Variants in MED13 observed in about 807,000 individuals in gnomAD.
MED13 encodes mediator of RNA polymerase II transcription subunit 13.
A neutral mutation model predicts 225.2 loss-of-function variants in MED13; 23 were observed. The ratio of observed to expected loss-of-function variants is 0.10; its 90% CI spans 0.07 to 0.14. The LOEUF (loss-of-function observed/expected upper bound fraction) is 0.14. Ranked by LOEUF, MED13 falls within the 10% of genes least tolerant of loss-of-function variation. The pLI is 1.00. For synonymous variants in MED13, 942 were observed against 889.2 expected, an observed-to-expected ratio of 1.06 and a Z score of -1.06; for missense variants, 2,197 against 2,594.5, an observed-to-expected ratio of 0.85 and a Z score of 3.33.
intron 8 of MED13, among the ~76,000 whole-genome samples, chr17:62,016,636 TAAAG>T (rs1458527042): frequency 6.6e-6 from 1 of 152,178 alleles, no homozygotes; most frequent in Non-Finnish European, 1.5e-5. Context: ...TGTTATAAAA[TAAAG>T]AAATGCCAAA....
At chr17:62,017,724 T>C (rs1320830400) in intron 8 of MED13, among the ~76,000 whole-genome samples, 2 of 152,236 alleles carry the variant, frequency 1.3e-5, no homozygotes, top group Non-Finnish European at 2.9e-5. Flanking sequence ...TTGTTGTTTT[T>C]TATGATAGTA....
intron 15 of MED13, among the ~76,000 whole-genome samples, 161 bp from the exon 16 acceptor site, chr17:61,983,275 G>C (rs745905647): frequency 6.6e-6 from 1 of 152,052 alleles, no homozygotes; most frequent in Non-Finnish European, 1.5e-5. Flanking sequence ...TCTTATTTCT[G>C]GTTAACATAT....
Position 61,983,050 on chromosome 17 carries a change from C to T in MED13, c.2953G>A (p.Gly985Arg), listed in dbSNP as rs1463641187. Residue 985 changes from glycine (G) to arginine (R), a missense_variant, in exon 16 of 30, where the codon GGG becomes AGG. By Grantham distance (125) the Gly-to-Arg change is moderately radical. Coordinates refer to ENST00000397786, the MANE Select transcript of MED13 (RefSeq NM_005121.3). ...GGAGGTGCACTGCTAGGAGGCATCCCAAAAGAAGTATGAGTTTGAGGTGTA... is the reference window on the plus strand; with the variant it reads ...GGAGGTGCACTGCTAGGAGGCATCCTAAAAGAAGTATGAGTTTGAGGTGTA... ...AYTPQTHTSFGMPPSSAPPSN... is the reference protein window; with the variant it reads ...AYTPQTHTSFRMPPSSAPPSN... 1 of 1,613,552 alleles carries T rather than the reference C, an allele frequency of 6.2e-7. No homozygotes were observed. Among genetic ancestry groups the T allele is most frequent in the African/African-American group, 1.3e-5 (1 of 74,862 alleles).
chr17:61,961,109 A>G lies in MED13; in HGVS notation c.5257-19T>C. 1 of 1,543,162 alleles carries G rather than the reference A, an allele frequency of 6.5e-7. No homozygotes were observed. The highest frequency in any genetic ancestry group is 8.9e-7 in the Non-Finnish European group (1 of 1,120,508). ...CTGGTCTCTATAAAATAAAAAATTA[A>G]GGTATTATCATACTATACAATCTTA... On this transcript the variant is annotated intron_variant, in intron 22 of 29. Coordinates refer to ENST00000397786, the MANE Select transcript of MED13 (RefSeq NM_005121.3).
intron 28 of MED13, among the ~76,000 whole-genome samples, chr17:61,948,804 C>CGGCCG (rs1555629563): frequency 6.6e-6 from 1 of 150,988 alleles, no homozygotes; most frequent in East Asian, 2.0e-4. Context: ...AAGTGAGTCA[C>CGGCCG]GGCCGGGCGC....
intron 9 of MED13, chr17:62,003,599 C>CAAAAAAAAAAAAAAAAAAAAAAAAAA (rs34451831): frequency 1.4e-4 from 7 of 51,730 alleles, no homozygotes; most frequent in African/African-American, 3.2e-4. Flanking sequence ...CAGCAAAACT[C>CAAAAAAAAAAAAAAAAAAAAAAAAAA]AAAAAAAAAA....
In MED13 at chr17:62,032,129, T is replaced by G. The variant is rs189977144; in HGVS notation, c.815-491A>C. On this transcript the variant is annotated intron_variant, in intron 5 of 29. Coordinates refer to ENST00000397786, the MANE Select transcript of MED13 (RefSeq NM_005121.3). ...CTGCTCTAGTAGTAATGGGTTTATT[T>G]AAAGTGAGCACTGGTAATCTTTTTC... 5.2e-4 allele frequency among the ~76,000 whole-genome samples: 79 copies of G among 151,898 alleles called. 1 individual carries two copies. Among genetic ancestry groups the G allele is most frequent in the Admixed American group, 2.2e-3 (33 of 15,252 alleles).
chr17:62,004,729 T>C (rs564050852), intron 9 of MED13: 1 of 152,262 alleles, frequency 6.6e-6, no homozygotes, highest in South Asian at 2.1e-4. Flanking sequence ...AGTAAGACAA[T>C]ATTTTACTTG....
intron 8 of MED13, among the ~76,000 whole-genome samples, chr17:62,027,551 C>T (rs1603404719): frequency 6.6e-6 from 1 of 152,228 alleles, no homozygotes; most frequent in East Asian, 1.9e-4. Context: ...ATGTCAAAAG[C>T]AATCACAACA....
chr17:62,043,661 A>G (rs1287750442), intron 3 of MED13, among the ~76,000 whole-genome samples: 5 of 152,200 alleles, frequency 3.3e-5, no homozygotes, highest in South Asian at 2.1e-4. Flanking sequence ...ATACACACAT[A>G]TAACTATTGG....
chr17:62,022,489 TA>T (rs551257650), intron 8 of MED13, among the ~76,000 whole-genome samples: 43 of 152,108 alleles, frequency 2.8e-4, no homozygotes, highest in African/African-American at 1.0e-3. Context: ...ATTTTTCTTT[TA>T]AAAAAGAGAG....
chr17:61,948,625 C>A (rs2143277362), intron 28 of MED13, among the ~76,000 whole-genome samples: 1 of 151,746 alleles, frequency 6.6e-6, no homozygotes, highest in African/African-American at 2.4e-5. Context: ...GTGGAGACAC[C>A]AAAGACTACT....
In MED13 at chr17:62,051,515, C is replaced by A. The variant is rs577916349; in HGVS notation, c.470+1022G>T. Among the ~76,000 whole-genome samples the A allele has an allele frequency of 5.9e-5, 9 of 152,182 alleles. 1 individual carries two copies. In the South Asian group the frequency reaches 1.9e-3, roughly 32 times the overall value. On this transcript the variant is annotated intron_variant, in intron 3 of 29. Transcript: ENST00000397786. Reference sequence around the variant, plus strand: ...CAGCTGAATGCATTCTGAACTTACACAAGTATTTTGTTAACAATAAAGGTT... The same window carrying A: ...CAGCTGAATGCATTCTGAACTTACAAAAGTATTTTGTTAACAATAAAGGTT...
At chr17:62,064,692 T>C (rs1023545386) in intron 1 of MED13, among the ~76,000 whole-genome samples, 3 of 152,190 alleles carry the variant, frequency 2.0e-5, no homozygotes, top group Non-Finnish European at 4.4e-5. Context: ...GACAGGTTTC[T>C]AGGGCTTAAG....
At chr17:62,057,365 G>C in intron 2 of MED13, among the ~76,000 whole-genome samples, 1 of 152,150 alleles carries the variant, frequency 6.6e-6, no homozygotes, top group Non-Finnish European at 1.5e-5. Flanking sequence ...AAACAGCCTA[G>C]TATGTTATGT....
At chr17:62,049,633 A>C (rs962879011) in intron 3 of MED13, among the ~76,000 whole-genome samples, 2 of 152,200 alleles carry the variant, frequency 1.3e-5, no homozygotes, top group African/African-American at 4.8e-5. Flanking sequence ...AACGATGTAC[A>C]AGAAATGAAA....
chr17:62,039,799 G>A (rs2080838157), intron 3 of MED13, among the ~76,000 whole-genome samples: 1 of 151,920 alleles, frequency 6.6e-6, no homozygotes, highest in African/African-American at 2.4e-5. Flanking sequence ...GTTTTGCCAT[G>A]TATTGGCCAG....
chr17:61,961,257 G>A (rs952101663), intron 22 of MED13, among the ~76,000 whole-genome samples, 167 bp from the exon 23 acceptor site: 24 of 152,176 alleles, frequency 1.6e-4, no homozygotes, highest in Admixed American at 5.2e-4. Context: ...GGCAGGGCAC[G>A]GTGGCTCGTG....
chr17:62,036,042 A>C (rs911125044), intron 3 of MED13, among the ~76,000 whole-genome samples: 1 of 151,432 alleles, frequency 6.6e-6, no homozygotes, highest in Non-Finnish European at 1.5e-5. Context: ...CTCTGACCTC[A>C]GCCTCCAAAG....
Sources: allele counts gnomAD v4.1 joint callset (sites outside exome capture counted in the v4.1 genomes callset), GRCh38; gene constraint gnomAD v4.1.1; transcripts MANE v1.5; gene names NCBI Gene and HGNC (gene_info 2026-07-23, HGNC 2026-07-21).